PRICKLE1: variants seen among roughly 807,000 people sequenced by gnomAD.
PRICKLE1 encodes the protein prickle planar cell polarity protein 1, also known as prickle-like protein 1.
A neutral mutation model predicts 70.2 loss-of-function variants in PRICKLE1; 14 were observed. That is an observed-to-expected ratio of 0.20 (90% CI 0.13 to 0.31). PRICKLE1 has a LOEUF of 0.31. Among genes scored for constraint, PRICKLE1 ranks in the 10% least tolerant of loss-of-function variants. The probability of loss-of-function intolerance (pLI) is 1.00; values close to 1 mark genes in which losing one functional copy is unlikely to be tolerated. For missense variants in PRICKLE1, 821 were observed against 1,026.2 expected, an observed-to-expected ratio of 0.80 and a Z score of 2.73; for synonymous variants, 357 against 379.9, an observed-to-expected ratio of 0.94 and a Z score of 0.70.
chr12:42,481,852 A>G (rs1349562531), intron 1 of PRICKLE1, among the ~76,000 whole-genome samples: 1 of 150,064 alleles, frequency 6.7e-6, no homozygotes. Flanking sequence ...CATTTCTTTA[A>G]AGGTTTCACA....
At chr12:42,475,339 G>T (rs114801439) in intron 1 of PRICKLE1, among the ~76,000 whole-genome samples, 1 of 152,126 alleles carries the variant, frequency 6.6e-6, no homozygotes. Flanking sequence ...TTAGTGTTAC[G>T]GCATTTAATC....
At chr12:42,561,421 C>T (rs917759494) in intron 1 of PRICKLE1, among the ~76,000 whole-genome samples, 7 of 152,150 alleles carry the variant, frequency 4.6e-5, no homozygotes, top group African/African-American at 1.7e-4. Flanking sequence ...ATTTTTTCTA[C>T]TCCATTCAAC....
chr12:42,512,944 CT>C (rs1218341919), intron 1 of PRICKLE1, among the ~76,000 whole-genome samples: 1 of 127,882 alleles, frequency 7.8e-6, no homozygotes, highest in Non-Finnish European at 1.6e-5. Flanking sequence ...CCACTTTGCC[CT>C]AAGGCATTAT....
chr12:42,566,637 G>A (rs1940625213), intron 1 of PRICKLE1, among the ~76,000 whole-genome samples: 1 of 152,206 alleles, frequency 6.6e-6, no homozygotes, highest in Non-Finnish European at 1.5e-5. Context: ...AGGATTAAAT[G>A]AGAATGTGTG....
chr12:42,557,656 T>C (rs1313863404), intron 1 of PRICKLE1, among the ~76,000 whole-genome samples: 1 of 152,242 alleles, frequency 6.6e-6, no homozygotes, highest in Non-Finnish European at 1.5e-5. Context: ...TATCCCTATG[T>C]TATCCATCAT....
chr12:42,545,490 C>T (rs752775938), intron 1 of PRICKLE1, among the ~76,000 whole-genome samples: 1 of 152,196 alleles, frequency 6.6e-6, no homozygotes. Flanking sequence ...AAGTCTCATG[C>T]ATTAAATTGT....
chr12:42,516,139 C>CT (rs927499768), intron 1 of PRICKLE1, among the ~76,000 whole-genome samples: 28 of 149,442 alleles, frequency 1.9e-4, no homozygotes, highest in South Asian at 2.1e-4. Context: ...TCTTCTTTCA[C>CT]TTTTTTTTTT....
Position 42,460,285 on chromosome 12 carries a change from G to A in PRICKLE1, c.2020C>T (p.Arg674Cys), listed in dbSNP as rs572205675. ...EERGSRSHHH[R>C]RRRSRKSRSD... The stretch of plus-strand genomic sequence containing the variant: ...CGGGACTTTCTACTTCTCCGGCGGC[G>A]GTGGTGATGAGACCTGGATCCCCTC... The change falls in exon 8 of 8, where the codon CGC becomes TGC. Residue 674 changes from arginine to cysteine, a missense_variant. Transcript: ENST00000345127. The A allele has an allele frequency of 1.6e-5, 26 of 1,614,132 alleles. No individual in the cohort carries two copies. The highest frequency in any genetic ancestry group is 8.8e-5 in the South Asian group (8 of 91,066).
intron 1 of PRICKLE1, among the ~76,000 whole-genome samples, chr12:42,492,524 A>G (rs2140172042): frequency 6.6e-6 from 1 of 152,350 alleles, no homozygotes; most frequent in South Asian, 2.1e-4. Flanking sequence ...GAAAACAGCC[A>G]GCAAAGCTTT....
chr12:42,469,342 TG>T, intron 4 of PRICKLE1, 107 bp downstream of exon 4: 2 of 1,312,750 alleles, frequency 1.5e-6, no homozygotes, highest in Non-Finnish European at 2.2e-6. Context: ...TCTCATTTTC[TG>T]GAGGCTTTCA....
At chr12:42,519,184 C>CT (rs1243248604) in intron 1 of PRICKLE1, among the ~76,000 whole-genome samples, 2 of 111,354 alleles carry the variant, frequency 1.8e-5, no homozygotes, top group African/African-American at 3.2e-5. Flanking sequence ...ATTTCCTTTC[C>CT]TTTTTTTCCT....
chr12:42,548,624 C>T (rs1459258825), intron 1 of PRICKLE1, among the ~76,000 whole-genome samples: 1 of 152,124 alleles, frequency 6.6e-6, no homozygotes, highest in Non-Finnish European at 1.5e-5. Context: ...AAGCTAGGCT[C>T]ACTTTCAGAA....
intron 1 of PRICKLE1, among the ~76,000 whole-genome samples, chr12:42,574,941 T>C (rs1380432953): frequency 6.6e-6 from 1 of 151,558 alleles, no homozygotes; most frequent in Non-Finnish European, 1.5e-5. Flanking sequence ...AAAAGTTTTA[T>C]GAAAACAAAA....
At chr12:42,480,359 G>C (rs533451572) in intron 1 of PRICKLE1, among the ~76,000 whole-genome samples, 1 of 152,198 alleles carries the variant, frequency 6.6e-6, no homozygotes, top group Non-Finnish European at 1.5e-5. Flanking sequence ...GGCTGAAGTG[G>C]GAGGATTGCT....
chr12:42,538,197 G>A (rs1012108716), intron 1 of PRICKLE1, among the ~76,000 whole-genome samples: 3 of 152,106 alleles, frequency 2.0e-5, no homozygotes, highest in African/African-American at 7.2e-5. Context: ...GTCCAATATA[G>A]TAGCCATTAG....
chr12:42,545,856 G>GAAA (rs71281675), intron 1 of PRICKLE1, among the ~76,000 whole-genome samples: 1 of 94,676 alleles, frequency 1.1e-5, no homozygotes, highest in Non-Finnish European at 2.2e-5. Flanking sequence ...TCTCAAAAAA[G>GAAA]AAAAAAAAAA....
intron 1 of PRICKLE1, among the ~76,000 whole-genome samples, chr12:42,491,559 A>G (rs938110001): frequency 3.9e-5 from 6 of 152,034 alleles, no homozygotes; most frequent in African/African-American, 1.4e-4. Context: ...GCCTCAAGAA[A>G]GTAAAAAATT....
rs1484367195 is a variant in PRICKLE1, at chr12:42,560,766, TCTCACACACACACACACACA to T, written c.-49+28679_-49+28698del. 3.1e-4 allele frequency among the ~76,000 whole-genome samples: 37 copies of T among 119,372 alleles called. No individual in the cohort carries two copies. The South Asian group carries it at 5.6e-3, about 18-fold the overall frequency. 78.3% of individuals were successfully genotyped at this position (119,372 alleles called of 152,430 possible). ...AGCTTGGCAGGTCAAAAGCCCATCT[TCTCACACACACACACACACA>T]CACACACACACACACACACACACAC... On this transcript the variant is annotated intron_variant, in intron 1 of 7. Coordinates refer to ENST00000345127, the MANE Select transcript of PRICKLE1 (RefSeq NM_153026.3).
At chr12:42,498,183 T>C (rs1210267624) in intron 1 of PRICKLE1, among the ~76,000 whole-genome samples, 1 of 150,568 alleles carries the variant, frequency 6.6e-6, no homozygotes, top group East Asian at 1.9e-4. Context: ...TCTCTTTTTT[T>C]TTTTTTGGAG....
Sources: allele counts gnomAD v4.1 joint callset (sites outside exome capture counted in the v4.1 genomes callset), GRCh38; gene constraint gnomAD v4.1.1; transcripts MANE v1.5; gene names NCBI Gene and HGNC (gene_info 2026-07-23, HGNC 2026-07-21).